Variants in SKAP1 observed in about 807,000 individuals in gnomAD.
The protein encoded by SKAP1 is src kinase associated phosphoprotein 1.
In SKAP1, 44 loss-of-function variants were observed where a neutral mutation model predicts 58.5. The observed-to-expected ratio is 0.75, with a 90% CI of 0.59 to 0.97. The LOEUF is 0.97. SKAP1 is among the 50% of genes least tolerant of loss of function. The probability of loss-of-function intolerance (pLI) is 0.00; values close to 1 mark genes in which losing one functional copy is unlikely to be tolerated. For synonymous variants in SKAP1, 127 were observed against 149.7 expected (o/e 0.85, Z 1.11); for missense variants, 390 against 435.2 (o/e 0.90, Z 0.92).
chr17:48,273,042 A>C (rs1304910660), intron 4 of SKAP1, among the ~76,000 whole-genome samples: 1 of 152,314 alleles, frequency 6.6e-6, no homozygotes, highest in East Asian at 1.9e-4. Context: ...TGCTGTGCCA[A>C]CTGCACTCCT....
rs1335089557 is a variant in SKAP1 at position 48,252,188 on chromosome 17, C to A, written c.281-62688G>T. ...ACAGCCCCCAAAGGGTTGGTATAGA[C>A]TCTTGAGTAAATAATATATGTAAGC... On this transcript the variant is annotated intron_variant, in intron 4 of 12. Coordinates refer to ENST00000336915, the MANE Select transcript of SKAP1 (RefSeq NM_003726.4). Among the ~76,000 whole-genome samples, 5 of 151,942 alleles carry A rather than the reference C, an allele frequency of 3.3e-5. No homozygotes were observed. The East Asian group carries it at 9.6e-4, about 29-fold the overall frequency.
At chr17:48,169,737 G>A (rs1353894533) in intron 10 of SKAP1, among the ~76,000 whole-genome samples, 1 of 152,166 alleles carries the variant, frequency 6.6e-6, no homozygotes, top group Non-Finnish European at 1.5e-5. Flanking sequence ...AGAAGAAAAA[G>A]CACAAGGAAA....
At chr17:48,299,806 T>C (rs1419558426) in intron 4 of SKAP1, among the ~76,000 whole-genome samples, 3 of 151,988 alleles carry the variant, frequency 2.0e-5, no homozygotes, top group Non-Finnish European at 4.4e-5. Flanking sequence ...GGAAGCCAGC[T>C]AGAGAAGAGG....
intron 4 of SKAP1, among the ~76,000 whole-genome samples, chr17:48,252,769 T>C (rs1383010992): frequency 6.7e-6 from 1 of 150,236 alleles, no homozygotes; most frequent in Non-Finnish European, 1.5e-5. Context: ...TGCTCATGTG[T>C]GTACAGATCC....
chr17:48,257,628 C>CTTTTTTTTTT (rs56225931), intron 4 of SKAP1, among the ~76,000 whole-genome samples: 29 of 111,134 alleles, frequency 2.6e-4, no homozygotes, highest in South Asian at 3.3e-4. Context: ...TTCTTTCTTT[C>CTTTTTTTTTT]TTTTTTTTTT....
chr17:48,289,877 G>C (rs1323172860), intron 4 of SKAP1, among the ~76,000 whole-genome samples: 2 of 152,006 alleles, frequency 1.3e-5, no homozygotes, highest in Non-Finnish European at 2.9e-5. Flanking sequence ...AACTAAAGGA[G>C]TATTTCAGAA....
intron 4 of SKAP1, among the ~76,000 whole-genome samples, chr17:48,221,679 G>C (rs1432096085): frequency 6.6e-6 from 1 of 152,168 alleles, no homozygotes; most frequent in Non-Finnish European, 1.5e-5. Context: ...ATTAAAACAG[G>C]AGCAATTTCA....
At chr17:48,334,137 G>T (rs957663371) in intron 4 of SKAP1, among the ~76,000 whole-genome samples, 3 of 151,806 alleles carry the variant, frequency 2.0e-5, no homozygotes, top group Non-Finnish European at 4.4e-5. Flanking sequence ...GATACCCCAA[G>T]AGACCCTGAC....
In SKAP1 at chr17:48,372,931, G is replaced by A. The variant is rs893803524; in HGVS notation, c.153-9117C>T. Among the ~76,000 whole-genome samples, 4 of 152,296 alleles carry A rather than the reference G, an allele frequency of 2.6e-5. No individual in the cohort carries two copies. In the East Asian group the frequency reaches 7.7e-4, roughly 29 times the overall value. On this transcript the variant is annotated intron_variant, in intron 2 of 12. Coordinates refer to ENST00000336915, the MANE Select transcript of SKAP1 (RefSeq NM_003726.4). The stretch of plus-strand genomic sequence containing the variant: ...CCCAAAGCACTGGGATTACAGGCAT[G>A]AGCCACTATGCCCAGCCCAGGACTA...
chr17:48,381,213 C>T (rs1222277180), intron 2 of SKAP1, among the ~76,000 whole-genome samples: 1 of 152,220 alleles, frequency 6.6e-6, no homozygotes, highest in African/African-American at 2.4e-5. Context: ...GCTTACCTAT[C>T]ACTGCCTCAT....
intron 4 of SKAP1, among the ~76,000 whole-genome samples, chr17:48,263,155 T>C (rs1218843389): frequency 2.0e-5 from 3 of 152,248 alleles, no homozygotes; most frequent in Non-Finnish European, 4.4e-5. Context: ...AGGTTGATTC[T>C]TCAGTAAACA....
intron 2 of SKAP1, among the ~76,000 whole-genome samples, chr17:48,376,716 G>A (rs1474504725): frequency 6.6e-6 from 1 of 152,212 alleles, no homozygotes; most frequent in Non-Finnish European, 1.5e-5. Context: ...CTATTTGCCA[G>A]ACACTCTGTG....
intron 1 of SKAP1, among the ~76,000 whole-genome samples, chr17:48,408,904 A>G (rs1006630800): frequency 6.6e-6 from 1 of 152,182 alleles, no homozygotes; most frequent in African/African-American, 2.4e-5. Flanking sequence ...GTACTTCACT[A>G]CTCACTACTG....
intron 4 of SKAP1, among the ~76,000 whole-genome samples, chr17:48,331,907 T>C (rs1598580035): frequency 6.6e-6 from 1 of 152,222 alleles, no homozygotes; most frequent in Non-Finnish European, 1.5e-5. Context: ...CAAAATTTAA[T>C]TCTCAATAAA....
intron 4 of SKAP1, among the ~76,000 whole-genome samples, chr17:48,199,294 A>G (rs2064692947): frequency 6.6e-6 from 1 of 152,160 alleles, no homozygotes; most frequent in African/African-American, 2.4e-5. Flanking sequence ...CCAGCATACA[A>G]AGATTTTTAA....
intron 4 of SKAP1, among the ~76,000 whole-genome samples, chr17:48,248,004 T>C (rs2065315838): frequency 6.6e-6 from 1 of 152,228 alleles, no homozygotes; most frequent in African/African-American, 2.4e-5. Flanking sequence ...AAAACTCATC[T>C]ATCTTATTCT....
At chr17:48,390,095 C>T (rs1240544406) in intron 2 of SKAP1, among the ~76,000 whole-genome samples, 4 of 152,150 alleles carry the variant, frequency 2.6e-5, no homozygotes, top group African/African-American at 9.7e-5. Flanking sequence ...TGACACTTGG[C>T]CCAGTGCTCT....
chr17:48,220,229 G>C (rs937336932), intron 4 of SKAP1, among the ~76,000 whole-genome samples: 3 of 152,082 alleles, frequency 2.0e-5, no homozygotes, highest in African/African-American at 7.2e-5. Context: ...ACATAGTGGT[G>C]CTCCAAAAGT....
intron 4 of SKAP1, among the ~76,000 whole-genome samples, chr17:48,271,179 A>G (rs972972147): frequency 1.3e-5 from 2 of 152,162 alleles, no homozygotes; most frequent in African/African-American, 4.8e-5. Flanking sequence ...CACATCAGCA[A>G]TTACATACAC....
Sources: allele counts gnomAD v4.1 joint callset (sites outside exome capture counted in the v4.1 genomes callset), GRCh38; gene constraint gnomAD v4.1.1; transcripts MANE v1.5; gene names NCBI Gene and HGNC (gene_info 2026-07-23, HGNC 2026-07-21).